SCFD2: variants seen among roughly 807,000 people sequenced by gnomAD.
SCFD2 encodes sec1 family domain-containing protein 2.
SCFD2 carries 54 observed loss-of-function variants against 58.9 expected under a neutral mutation model. The ratio of observed to expected loss-of-function variants is 0.92; its 90% CI spans 0.74 to 1.15. SCFD2 has a LOEUF of 1.15. SCFD2 is among the 50% of genes most tolerant of loss of function. SCFD2 has a pLI of 0.00. For synonymous variants in SCFD2, 321 were observed against 335.9 expected (o/e 0.96, Z 0.49); for missense variants, 805 against 836.6 (o/e 0.96, Z 0.47).
intron 7 of SCFD2, among the ~76,000 whole-genome samples, chr4:52,892,844 C>T (rs1269410552): frequency 6.6e-6 from 1 of 152,188 alleles, no homozygotes; most frequent in African/African-American, 2.4e-5. Context: ...GACTAGCATA[C>T]AAAAGAGCCT....
At chr4:53,208,678 A>G (rs997383058) in intron 4 of SCFD2, among the ~76,000 whole-genome samples, 2 of 152,206 alleles carry the variant, frequency 1.3e-5, no homozygotes, top group African/African-American at 4.8e-5. Context: ...TACACCTCTC[A>G]TAATTCCAAA....
intron 4 of SCFD2, among the ~76,000 whole-genome samples, chr4:53,161,273 CTATAT>C (rs1726844905): frequency 6.6e-6 from 1 of 152,078 alleles, no homozygotes; most frequent in African/African-American, 2.4e-5. Flanking sequence ...CTGTACTTTT[CTATAT>C]TATATTTACT....
chr4:52,974,262 T>C (rs1001713100), intron 5 of SCFD2, among the ~76,000 whole-genome samples: 11 of 152,192 alleles, frequency 7.2e-5, no homozygotes, highest in African/African-American at 2.4e-4. Context: ...ATTGTATATC[T>C]AGAAAACCCC....
chr4:53,238,236 A>G (rs1577880033), intron 4 of SCFD2, among the ~76,000 whole-genome samples: 3 of 89,484 alleles, frequency 3.4e-5, no homozygotes, highest in African/African-American at 8.8e-5. Context: ...GGGGCTCCTC[A>G]CTTCCCAGTA....
chr4:53,081,379 T>A (rs1031898596), intron 5 of SCFD2, among the ~76,000 whole-genome samples: 4 of 152,092 alleles, frequency 2.6e-5, no homozygotes, highest in Non-Finnish European at 5.9e-5. Flanking sequence ...TAATACCCAA[T>A]AGGGAGTTTT....
intron 7 of SCFD2, among the ~76,000 whole-genome samples, chr4:52,893,747 G>A (rs1718935515): frequency 6.6e-6 from 1 of 152,202 alleles, no homozygotes; most frequent in Non-Finnish European, 1.5e-5. Flanking sequence ...TGTGGCAATA[G>A]CTACTCAACC....
At chr4:53,174,738 G>C (rs1048716000) in intron 4 of SCFD2, among the ~76,000 whole-genome samples, 2 of 152,118 alleles carry the variant, frequency 1.3e-5, no homozygotes, top group African/African-American at 4.8e-5. Context: ...CTGGAGTGGG[G>C]GAAGGTGCAA....
chr4:53,258,538 G>GTATGTATATATATATA (rs1730721784), intron 4 of SCFD2, among the ~76,000 whole-genome samples: 2 of 119,952 alleles, frequency 1.7e-5, no homozygotes, highest in African/African-American at 3.4e-5. Context: ...TGGTGTGTGT[G>GTATGTATATATATATA]TATATATATA....
chr4:53,120,238 G>A (rs1725441225), intron 5 of SCFD2, among the ~76,000 whole-genome samples: 1 of 152,152 alleles, frequency 6.6e-6, no homozygotes, highest in Non-Finnish European at 1.5e-5. Flanking sequence ...AGTTCTTAGT[G>A]GCACATTTTT....
chr4:52,969,919 CA>C (rs2109550308), intron 5 of SCFD2, among the ~76,000 whole-genome samples: 1 of 152,272 alleles, frequency 6.6e-6, no homozygotes, highest in East Asian at 1.9e-4. Context: ...AAATGAAAAT[CA>C]CTGTTAGTTT....
At chr4:53,137,768 T>A (rs1220172845) in intron 5 of SCFD2, among the ~76,000 whole-genome samples, 3 of 152,208 alleles carry the variant, frequency 2.0e-5, no homozygotes, top group Admixed American at 6.5e-5. Flanking sequence ...CAAAACATGT[T>A]TAGCAAGACA....
At chr4:53,127,995 T>C (rs1725679749) in intron 5 of SCFD2, among the ~76,000 whole-genome samples, 1 of 147,424 alleles carries the variant, frequency 6.8e-6, no homozygotes, top group Non-Finnish European at 1.5e-5. Context: ...TCTGTTATTT[T>C]AAGCAAAATA....
At chr4:53,224,129 G>C (rs6554075) in intron 4 of SCFD2, among the ~76,000 whole-genome samples, 2 of 151,908 alleles carry the variant, frequency 1.3e-5, no homozygotes, top group African/African-American at 4.8e-5. Flanking sequence ...AGTGATTCAC[G>C]CCTGTAATCC....
chr4:53,313,782 A>G lies in SCFD2; in HGVS notation c.1008-19T>C, dbSNP rs1303324337. On this transcript the variant is annotated intron_variant, in intron 2 of 8. Coordinates refer to ENST00000401642, the MANE Select transcript of SCFD2 (RefSeq NM_152540.4). ...GGTGTCACTGCAGGAAAATCACAAA[A>G]AGAGCTTTAGAATAAATTTCTACTG... The G allele has an allele frequency of 6.2e-7, 1 of 1,613,508 alleles. No homozygotes were observed. The highest frequency in any genetic ancestry group is 1.3e-5 in the African/African-American group (1 of 75,024).
chr4:53,335,606 T>C (rs1053634167), intron 2 of SCFD2, among the ~76,000 whole-genome samples: 12 of 152,288 alleles, frequency 7.9e-5, no homozygotes, highest in Middle Eastern at 3.4e-3. Flanking sequence ...TACTAAAATA[T>C]TTGGGAGTGA....
At chr4:52,923,799 C>T (rs1338747638) in intron 5 of SCFD2, among the ~76,000 whole-genome samples, 1 of 152,166 alleles carries the variant, frequency 6.6e-6, no homozygotes, top group African/African-American at 2.4e-5. Context: ...AGCGTGTTTG[C>T]TGTTGGCATC....
intron 4 of SCFD2, among the ~76,000 whole-genome samples, chr4:53,235,273 G>C (rs1577874634): frequency 6.6e-6 from 1 of 152,168 alleles, no homozygotes; most frequent in South Asian, 2.1e-4. Flanking sequence ...AGAACATAAA[G>C]AAGCCTCTCT....
intron 5 of SCFD2, among the ~76,000 whole-genome samples, chr4:53,069,735 G>A (rs561879408): frequency 5.9e-5 from 9 of 152,106 alleles, no homozygotes; most frequent in Admixed American, 1.3e-4. Flanking sequence ...GCTCTAGACA[G>A]TAAAAATCAC....
At chr4:53,120,772 A>G (rs1725456726) in intron 5 of SCFD2, among the ~76,000 whole-genome samples, 1 of 152,222 alleles carries the variant, frequency 6.6e-6, no homozygotes, top group African/African-American at 2.4e-5. Context: ...TGTCCCCCAG[A>G]AGGGTGTTGG....
Sources: allele counts gnomAD v4.1 joint callset (sites outside exome capture counted in the v4.1 genomes callset), GRCh38; gene constraint gnomAD v4.1.1; transcripts MANE v1.5; gene names NCBI Gene and HGNC (gene_info 2026-07-23, HGNC 2026-07-21).